DNAI2: variants seen among roughly 807,000 people sequenced by gnomAD.
DNAI2 encodes the protein dynein, axonemal, intermediate polypeptide 2.
In DNAI2, 63 loss-of-function variants were observed where a neutral mutation model predicts 74.7. The observed-to-expected ratio is 0.84, with a 90% confidence interval of 0.69 to 1.04. The LOEUF is 1.04. DNAI2 is among the 50% of genes least tolerant of loss of function. DNAI2 has a pLI of 0.00. For synonymous variants in DNAI2, 289 were observed against 314.9 expected (o/e 0.92, Z 0.87); for missense variants, 688 against 803.2 (o/e 0.86, Z 1.73).
intron 1 of DNAI2, among the ~76,000 whole-genome samples, chr17:74,279,083 C>T (rs576845799): frequency 9.2e-5 from 14 of 152,230 alleles, no homozygotes; most frequent in South Asian, 2.1e-4. Context: ...AGAAGAATGG[C>T]GTGAACCCGG....
At position 74,314,380 on chromosome 17, in the gene DNAI2, C is replaced by G. The variant is rs193196672; in HGVS notation, c.*55+109C>G. 7.2e-6 allele frequency: 10 copies of G among 1,387,006 alleles called. No homozygotes were observed. In the East Asian group the frequency reaches 2.2e-4, roughly 31 times the overall value. The allele number at this position is 1,387,006 out of a possible 1,614,324, so 85.9% of individuals were successfully genotyped here. A position where few individuals can be genotyped will look rare whatever the true frequency, so the allele number is the denominator to read the frequency against. ...CTCCCCAGCCCCTACAAATCACTAG[C>G]CCCCACTGACTCACTGGGCACTGAG... is the stretch of plus-strand genomic sequence containing the variant. On this transcript the variant is annotated intron_variant, in intron 13 of 13. Coordinates refer to ENST00000311014, the MANE Select transcript of DNAI2 (RefSeq NM_023036.6).
chr17:74,309,821 G>A, intron 10 of DNAI2, 196 bp from the exon 11 acceptor site: 1 of 708,410 alleles, frequency 1.4e-6, no homozygotes, highest in Non-Finnish European at 2.4e-6. Context: ...CTGAAGGGGT[G>A]GGGCGGGAGA....
intron 8 of DNAI2, among the ~76,000 whole-genome samples, chr17:74,301,921 AGG>A (rs1567865146): frequency 1.1e-3 from 20 of 18,496 alleles, no homozygotes; most frequent in African/African-American, 1.8e-3. Context: ...GAAGGAAGGA[AGG>A]AAGGAAGGAA....
Position 74,280,783 on chromosome 17 carries a change from T to C in DNAI2, c.-11-1024T>C, listed in dbSNP as rs78419794. On this transcript the variant is annotated intron_variant, in intron 1 of 13. Transcript: ENST00000311014. ...TTCCTCCTGCCCTGTCAATAAACACTGATTCAGTAAAAACCGTATTGTACC... is the reference window on the plus strand; with the variant it reads ...TTCCTCCTGCCCTGTCAATAAACACCGATTCAGTAAAAACCGTATTGTACC... 8.4e-3 allele frequency among the ~76,000 whole-genome samples: 1,282 copies of C among 152,236 alleles called. 17 individuals carry two copies. Among genetic ancestry groups the C allele is most frequent in the African/African-American group, 0.029 (1,215 of 41,546 alleles).
At chr17:74,304,879 C>T (rs1229914181) in intron 8 of DNAI2, among the ~76,000 whole-genome samples, 2 of 152,194 alleles carry the variant, frequency 1.3e-5, no homozygotes, top group Non-Finnish European at 2.9e-5. Flanking sequence ...TCTTTACTCT[C>T]TCTGTAAACA....
intron 8 of DNAI2, among the ~76,000 whole-genome samples, 180 bp from the exon 9 acceptor site, chr17:74,305,039 T>C (rs1002792906): frequency 1.3e-5 from 2 of 151,934 alleles, no homozygotes; most frequent in African/African-American, 4.8e-5. Flanking sequence ...AAAGATGGGG[T>C]CTGAGGAGCC....
rs545669181 is a variant in DNAI2 at position 74,282,957 on chromosome 17, GGCCATGGTGTA to G, written c.183+962_183+972del. On this transcript the variant is annotated intron_variant, in intron 2 of 13. Coordinates refer to ENST00000311014, the MANE Select transcript of DNAI2 (RefSeq NM_023036.6). Reference sequence around the variant, plus strand: ...CTCCCCCGGGGATGAGAAGGACTGTGGCCATGGTGTAGCCAATAAGCAGAATGGCCGCTATG... The same window carrying G: ...CTCCCCCGGGGATGAGAAGGACTGTGGCCAATAAGCAGAATGGCCGCTATG... Among the ~76,000 whole-genome samples, 129 of 152,342 alleles carry G rather than the reference GGCCATGGTGTA, an allele frequency of 8.5e-4. 1 individual carries two copies. Among genetic ancestry groups the G allele is most frequent in the African/African-American group, 2.9e-3 (121 of 41,586 alleles).
At chr17:74,308,805 T>A (rs1263389991) in intron 9 of DNAI2, among the ~76,000 whole-genome samples, 1 of 151,954 alleles carries the variant, frequency 6.6e-6, no homozygotes, top group African/African-American at 2.4e-5. Flanking sequence ...TACAGGCACA[T>A]GACCAGCCCA....
At position 74,286,536 on chromosome 17, in the gene DNAI2, T is replaced by A. The variant is rs570623182; in HGVS notation, c.346-441T>A. ...CCCGGGTTCAAGCAATTCTCCTGCC[T>A]CAGCCTCCCAAGTAGCTGGGATTAC... On this transcript the variant is annotated intron_variant, in intron 3 of 13. Coordinates refer to ENST00000311014, the MANE Select transcript of DNAI2 (RefSeq NM_023036.6). 6.9e-3 allele frequency among the ~76,000 whole-genome samples: 1,043 copies of A among 152,064 alleles called. 7 individuals carry two copies. Among genetic ancestry groups the A allele is most frequent in the Admixed American group, 0.011 (171 of 15,276 alleles).
intron 9 of DNAI2, among the ~76,000 whole-genome samples, chr17:74,307,010 AG>A (rs1276555916): frequency 6.6e-6 from 1 of 152,226 alleles, no homozygotes; most frequent in Non-Finnish European, 1.5e-5. Flanking sequence ...GGGTTTGCTA[AG>A]GAGCAACCCC....
At chr17:74,314,292 G>A (rs2053702826) in intron 13 of DNAI2, 21 bp downstream of exon 13, 1 of 1,606,776 alleles carries the variant, frequency 6.2e-7, no homozygotes, top group Non-Finnish European at 8.5e-7. Flanking sequence ...GCTCTCACAA[G>A]TGGGAGGCTG....
intron 1 of DNAI2, among the ~76,000 whole-genome samples, chr17:74,279,375 G>T (rs2051268253): frequency 6.6e-6 from 1 of 152,040 alleles, no homozygotes; most frequent in Non-Finnish European, 1.5e-5. Context: ...TTGAGGGGAT[G>T]GATGGATACC....
At chr17:74,302,892 G>A (rs1007166744) in intron 8 of DNAI2, among the ~76,000 whole-genome samples, 4 of 152,212 alleles carry the variant, frequency 2.6e-5, no homozygotes, top group East Asian at 1.9e-4. Context: ...ATGGAAGGAG[G>A]AGACAATTCC....
intron 11 of DNAI2, 108 bp from the exon 12 acceptor site, chr17:74,311,895 T>G: frequency 9.7e-7 from 1 of 1,026,042 alleles, no homozygotes; most frequent in Non-Finnish European, 1.5e-6. Flanking sequence ...ACAGGGACTG[T>G]ATGGAGAGCA....
intron 1 of DNAI2, among the ~76,000 whole-genome samples, chr17:74,280,613 C>A (rs1598266304): frequency 4.6e-5 from 7 of 152,092 alleles, no homozygotes; most frequent in Admixed American, 3.9e-4. Context: ...AACCAACGAG[C>A]CTTTTGGACA....
intron 3 of DNAI2, among the ~76,000 whole-genome samples, chr17:74,286,745 G>C (rs1226277546): frequency 2.0e-5 from 3 of 152,116 alleles, no homozygotes; most frequent in African/African-American, 7.2e-5. Flanking sequence ...TAATGCTATA[G>C]ACATACTGTA....
chr17:74,288,493 G>C (rs1279359333), intron 4 of DNAI2, among the ~76,000 whole-genome samples: 2 of 151,904 alleles, frequency 1.3e-5, no homozygotes, highest in Non-Finnish European at 2.9e-5. Context: ...TTACATGCCT[G>C]ATGTGAGGAG....
intron 1 of DNAI2, among the ~76,000 whole-genome samples, chr17:74,275,586 G>A (rs769862483): frequency 3.2e-4 from 48 of 152,280 alleles, no homozygotes; most frequent in Non-Finnish European, 5.3e-4. Flanking sequence ...TTCTGGCCGG[G>A]TGCAGTGGCT....
intron 10 of DNAI2, chr17:74,309,769 G>A: frequency 1.6e-6 from 1 of 643,112 alleles, no homozygotes; most frequent in Admixed American, 2.4e-5. Flanking sequence ...GCCACGGAAG[G>A]GTGGGGGCAT....
Sources: gnomAD v4.1 joint callset for allele counts (sites outside exome capture counted in the v4.1 genomes callset) on GRCh38, gnomAD v4.1.1 for gene constraint, MANE v1.5 for transcripts, NCBI Gene and HGNC (gene_info 2026-07-23, HGNC 2026-07-21) for gene names.